KLHL24: variants seen among roughly 807,000 people sequenced by gnomAD.
The protein encoded by KLHL24 is kelch like family member 24.
A neutral mutation model predicts 53.4 loss-of-function variants in KLHL24; 29 were observed. The ratio of observed to expected loss-of-function variants is 0.54; its 90% CI spans 0.40 to 0.74. The LOEUF (loss-of-function observed/expected upper bound fraction) is 0.74, where lower values mean the gene tolerates loss of function less well. Ranked by LOEUF, KLHL24 falls within the 30% of genes least tolerant of loss-of-function variation. The pLI is 0.00. For missense variants in KLHL24, 504 were observed against 744.0 expected, an observed-to-expected ratio of 0.68 and a Z score of 3.75; for synonymous variants, 222 against 253.7, an observed-to-expected ratio of 0.88 and a Z score of 1.19.
intron 5 of KLHL24, among the ~76,000 whole-genome samples, chr3:183,665,618 C>T (rs1004522340): frequency 6.6e-5 from 10 of 151,814 alleles, no homozygotes; most frequent in Non-Finnish European, 1.2e-4. Context: ...GGGTTGGTGG[C>T]GGGTGCCTGT....
rs1721491884 is a variant in KLHL24 at position 183,672,667 on chromosome 3, C to T, written c.1602+183C>T. The T allele has an allele frequency of 1.3e-5, 5 of 371,908 alleles. No individual in the cohort carries two copies. In the South Asian group the frequency reaches 2.2e-4, roughly 16 times the overall value. The allele number at this position is 371,908 out of a possible 1,614,324, so 23.0% of individuals were successfully genotyped here. On this transcript the variant is annotated intron_variant, in intron 7 of 7. Transcript: ENST00000242810. ...ATCACTTGAGGTCAGGAGTTCAAGA[C>T]CAGCCTGGCTAATATGGTGAAACCC...
In KLHL24 at chr3:183,680,811, C is replaced by T. The variant is rs1024114154; in HGVS notation, c.*1525C>T. The T allele has an allele frequency of 1.3e-5, 2 of 152,110 alleles. No individual in the cohort carries two copies. The highest frequency in any genetic ancestry group is 4.8e-5 in the African/African-American group (2 of 41,422). 9.4% of individuals were successfully genotyped at this position (152,110 alleles called of 1,614,324 possible). A position where few individuals can be genotyped will look rare whatever the true frequency, so the allele number is the denominator to read the frequency against. On this transcript the variant is annotated 3_prime_UTR_variant, in exon 8 of 8. Transcript: ENST00000242810. ...AGGTAGCCTGCTGTAGTTTGACTTC[C>T]AGTCACTGTTGTCTTTCACATTATA...
chr3:183,644,657 C>G (rs1716975065), intron 2 of KLHL24, among the ~76,000 whole-genome samples: 1 of 152,088 alleles, frequency 6.6e-6, no homozygotes, highest in Non-Finnish European at 1.5e-5. Context: ...AAGGAGCCAA[C>G]TATGAAAATA....
intron 5 of KLHL24, among the ~76,000 whole-genome samples, chr3:183,666,117 G>A (rs563497913): frequency 6.6e-6 from 1 of 152,190 alleles, no homozygotes; most frequent in South Asian, 2.1e-4. Flanking sequence ...TCCTGAGCTC[G>A]TGATCCTCCC....
chr3:183,672,343 T>G lies in KLHL24; in HGVS notation c.1461T>G (p.Ala487=), dbSNP rs144907558. 3 of 1,610,278 alleles carry G rather than the reference T, an allele frequency of 1.9e-6. No homozygotes were observed. The African/African-American group carries it at 4.0e-5, about 22-fold the overall frequency. Residue 487 remains alanine (A), a synonymous_variant, in exon 7 of 8, where the codon GCT becomes GCG. Coordinates refer to ENST00000242810, the MANE Select transcript of KLHL24 (RefSeq NM_017644.3). ...PETNSWLLRA[A]IPIAKRCITA... ...CCAATTCTTGGCTACTTCGTGCAGC[T>G]ATCCCAATTGCCAAAAGGTGTATAA...
intron 3 of KLHL24, among the ~76,000 whole-genome samples, chr3:183,658,561 C>A (rs1459270329): frequency 6.6e-6 from 1 of 152,126 alleles, no homozygotes; most frequent in Non-Finnish European, 1.5e-5. Flanking sequence ...TGCATACATA[C>A]ACTGTTAATT....
At chr3:183,671,904 A>G (rs1278775449) in intron 6 of KLHL24, among the ~76,000 whole-genome samples, 1 of 152,228 alleles carries the variant, frequency 6.6e-6, no homozygotes, top group East Asian at 1.9e-4. Flanking sequence ...TTCAGAGCAT[A>G]CTGATTGAAT....
intron 1 of KLHL24, among the ~76,000 whole-genome samples, chr3:183,637,872 T>C (rs983005204): frequency 6.6e-6 from 1 of 152,228 alleles, no homozygotes; most frequent in Admixed American, 6.5e-5. Context: ...TTGGCCAGGC[T>C]AGTCTTGAAC....
At chr3:183,674,403 C>G (rs1711514518) in intron 7 of KLHL24, among the ~76,000 whole-genome samples, 1 of 151,206 alleles carries the variant, frequency 6.6e-6, no homozygotes, top group Non-Finnish European at 1.5e-5. Flanking sequence ...TCTTGTCACC[C>G]AGGCTGAAGT....
At chr3:183,662,161 GT>G (rs1397599226) in intron 3 of KLHL24, among the ~76,000 whole-genome samples, 24 of 152,172 alleles carry the variant, frequency 1.6e-4, no homozygotes, top group African/African-American at 5.5e-4. Context: ...AAGTACTTTT[GT>G]TTGCATGTAT....
At chr3:183,641,474 C>CA (rs202119480) in intron 1 of KLHL24, among the ~76,000 whole-genome samples, 759 of 69,932 alleles carry the variant, frequency 0.011, 19 homozygotes, top group East Asian at 0.038. Context: ...GAGACTGTCT[C>CA]AAAAAAAAAA....
At chr3:183,639,547 G>C (rs1315097420) in intron 1 of KLHL24, among the ~76,000 whole-genome samples, 3 of 142,618 alleles carry the variant, frequency 2.1e-5, no homozygotes, top group East Asian at 2.2e-4. Flanking sequence ...GGAGAATGGC[G>C]TGAACCCAGG....
intron 5 of KLHL24, among the ~76,000 whole-genome samples, chr3:183,669,398 AG>A (rs1408793580): frequency 2.6e-5 from 4 of 152,178 alleles, no homozygotes; most frequent in Admixed American, 2.0e-4. Context: ...AGTCTCCAAA[AG>A]GGTAGATAAA....
chr3:183,676,430 C>T (rs1005169864), intron 7 of KLHL24, among the ~76,000 whole-genome samples: 1 of 152,072 alleles, frequency 6.6e-6, no homozygotes, highest in Non-Finnish European at 1.5e-5. Flanking sequence ...ATTTTTGAGC[C>T]GTGTGTGATT....
intron 2 of KLHL24, among the ~76,000 whole-genome samples, chr3:183,648,208 G>A (rs973666808): frequency 7.2e-5 from 11 of 152,056 alleles, no homozygotes; most frequent in Non-Finnish European, 1.0e-4. Flanking sequence ...ATTGGAAGTA[G>A]GATATCTGGG....
intron 3 of KLHL24, among the ~76,000 whole-genome samples, chr3:183,660,093 C>T (rs181166839): frequency 1.3e-5 from 2 of 150,588 alleles, no homozygotes; most frequent in South Asian, 2.1e-4. Flanking sequence ...ATTTTCAGCT[C>T]GAAGAGGTAA....
intron 1 of KLHL24, among the ~76,000 whole-genome samples, chr3:183,642,486 T>C (rs886559310): frequency 6.6e-6 from 1 of 152,018 alleles, no homozygotes; most frequent in South Asian, 2.1e-4. Context: ...ACAAGTTCTA[T>C]TTAAAGATAT....
intron 7 of KLHL24, among the ~76,000 whole-genome samples, chr3:183,675,821 G>A (rs537489877): frequency 1.4e-4 from 21 of 151,880 alleles, no homozygotes; most frequent in African/African-American, 3.9e-4. Context: ...CCATTTATTC[G>A]GAACTTTGCT....
At chr3:183,637,829 T>G (rs1715594211) in intron 1 of KLHL24, among the ~76,000 whole-genome samples, 2 of 152,190 alleles carry the variant, frequency 1.3e-5, no homozygotes, top group African/African-American at 4.8e-5. Flanking sequence ...CGGCTAGTTT[T>G]TGTATGTTTA....
Sources: gnomAD v4.1 joint callset for allele counts (sites outside exome capture counted in the v4.1 genomes callset) on GRCh38, gnomAD v4.1.1 for gene constraint, MANE v1.5 for transcripts, NCBI Gene and HGNC (gene_info 2026-07-23, HGNC 2026-07-21) for gene names.